The following RIPOR2 variants were observed in gnomAD, a reference collection of about 807,000 sequenced individuals.
RIPOR2 encodes the protein RHO family interacting cell polarization regulator 2.
RIPOR2 carries 39 observed loss-of-function variants against 114.5 expected under a neutral mutation model. The ratio of observed to expected loss-of-function variants is 0.34; its 90% CI spans 0.26 to 0.44. The LOEUF (loss-of-function observed/expected upper bound fraction) is 0.44, where lower values mean the gene tolerates loss of function less well. RIPOR2 is among the 20% of genes least tolerant of loss of function. The pLI, the probability that RIPOR2 is intolerant of heterozygous loss-of-function variation, is 1.00. For missense variants in RIPOR2, 1,007 were observed against 1,255.1 expected, an observed-to-expected ratio of 0.80 and a Z score of 2.99; for synonymous variants, 445 against 484.4, an observed-to-expected ratio of 0.92 and a Z score of 1.07.
At chr6:24,891,141 G>A (rs1230843482) in intron 1 of RIPOR2, among the ~76,000 whole-genome samples, 1 of 152,192 alleles carries the variant, frequency 6.6e-6, no homozygotes, top group African/African-American at 2.4e-5. Flanking sequence ...GTAAGGCAGT[G>A]CTGTGTACGT....
At chr6:24,820,282 C>T (rs1206544146) in intron 19 of RIPOR2, among the ~76,000 whole-genome samples, 4 of 152,194 alleles carry the variant, frequency 2.6e-5, no homozygotes, top group Admixed American at 6.5e-5. Context: ...CCGTCCGCCT[C>T]GGCCTCCCAG....
intron 8 of RIPOR2, among the ~76,000 whole-genome samples, chr6:24,856,471 T>C (rs933313158): frequency 2.0e-5 from 3 of 152,228 alleles, no homozygotes; most frequent in East Asian, 1.9e-4. Flanking sequence ...CCTCTGCAAA[T>C]TGGTCAGGCA....
intron 1 of RIPOR2, among the ~76,000 whole-genome samples, chr6:24,968,598 A>G (rs1364541029): frequency 1.3e-5 from 2 of 152,180 alleles, no homozygotes; most frequent in Non-Finnish European, 2.9e-5. Flanking sequence ...GGATGATGAG[A>G]GGTTGCCACT....
chr6:24,822,104 A>T (rs1759755099), intron 19 of RIPOR2, among the ~76,000 whole-genome samples: 1 of 152,210 alleles, frequency 6.6e-6, no homozygotes, highest in South Asian at 2.1e-4. Context: ...CGCCATTAAA[A>T]TCCAAAACAA....
chr6:24,988,690 T>TG (rs1774650232), intron 1 of RIPOR2, among the ~76,000 whole-genome samples: 2 of 152,018 alleles, frequency 1.3e-5, no homozygotes, highest in Non-Finnish European at 2.9e-5. Flanking sequence ...TGTGTGTGTG[T>TG]TTATCATGCT....
Position 24,980,094 on chromosome 6 carries a change from T to C in RIPOR2, c.76+61757A>G, listed in dbSNP as rs527376131. The stretch of plus-strand genomic sequence containing the variant: ...CTAGGATGCATTAAAGAATCTCATC[T>C]TAGATAGGCTCCTCAGCCTTGAATA... On this transcript the variant is annotated intron_variant, in intron 1 of 13. Transcript: ENST00000510784. Among the ~76,000 whole-genome samples, 6 of 152,358 alleles carry C rather than the reference T, an allele frequency of 3.9e-5. No individual in the cohort carries two copies. In the South Asian group the frequency reaches 1.2e-3, roughly 32 times the overall value.
intron 17 of RIPOR2, among the ~76,000 whole-genome samples, chr6:24,830,117 T>A (rs2113679768): frequency 6.6e-6 from 1 of 152,216 alleles, no homozygotes; most frequent in East Asian, 1.9e-4. Context: ...AGGTGTGGGC[T>A]ACCACGCCCG....
rs192575975 is a variant in RIPOR2, at chr6:24,900,718, G to A, written c.62-24901C>T. Among the ~76,000 whole-genome samples, 327 of 152,222 alleles carry A rather than the reference G, an allele frequency of 2.1e-3. 2 individuals are homozygous for A. The highest frequency in any genetic ancestry group is 3.7e-3 in the Non-Finnish European group (251 of 67,996). On this transcript the variant is annotated intron_variant, in intron 1 of 21. Transcript: ENST00000643898. Reference sequence around the variant, plus strand: ...GGCTGCACTGAGCTGTGATCTGGCCGCCGCACTCCAGTCTGGGTGACAGAG... The same window carrying A: ...GGCTGCACTGAGCTGTGATCTGGCCACCGCACTCCAGTCTGGGTGACAGAG...
intron 12 of RIPOR2, chr6:24,847,511 A>T: frequency 6.5e-7 from 1 of 1,543,350 alleles, no homozygotes; most frequent in Non-Finnish European, 8.8e-7. Context: ...CCAGAAGTCA[A>T]GCACTCCATA....
chr6:24,931,010 A>T lies in RIPOR2; in HGVS notation c.61+4828T>A, dbSNP rs547510320. Among the ~76,000 whole-genome samples, 4 of 152,290 alleles carry T rather than the reference A, an allele frequency of 2.6e-5. No individual in the cohort carries two copies. The East Asian group carries it at 7.7e-4, about 29-fold the overall frequency. On this transcript the variant is annotated intron_variant, in intron 1 of 21. Transcript: ENST00000643898. ...CAAGGCTCATATACTTTTACATTTG[A>T]TTTCTCTTACTTTTTCCATGGAGGG... is the stretch of plus-strand genomic sequence containing the variant.
At chr6:24,921,651 G>A (rs1457603669) in intron 1 of RIPOR2, among the ~76,000 whole-genome samples, 4 of 147,000 alleles carry the variant, frequency 2.7e-5, no homozygotes, top group Middle Eastern at 3.4e-3. Flanking sequence ...AACACTTATC[G>A]CCCCCCCCGA....
At chr6:24,999,418 T>C (rs1775194796) in intron 1 of RIPOR2, among the ~76,000 whole-genome samples, 1 of 152,228 alleles carries the variant, frequency 6.6e-6, no homozygotes, top group Non-Finnish European at 1.5e-5. Context: ...ACCCCTTGCT[T>C]TGGTTAAAGA....
At chr6:25,023,861 A>G (rs879117087) in intron 1 of RIPOR2, 2 of 728,972 alleles carry the variant, frequency 2.7e-6, no homozygotes, top group Admixed American at 1.7e-5. Flanking sequence ...ACCGGTTCCT[A>G]GGTCTTCGTG....
chr6:24,898,344 A>G (rs1247776605), intron 1 of RIPOR2: 1 of 152,166 alleles, frequency 6.6e-6, no homozygotes, highest in African/African-American at 2.4e-5. Context: ...CCATTGTCTA[A>G]GCTGGGGTCC....
intron 17 of RIPOR2, 45 bp downstream of exon 17, chr6:24,830,464 C>A: frequency 1.3e-6 from 2 of 1,514,900 alleles, no homozygotes; most frequent in East Asian, 2.5e-5. Context: ...AATGCCCACT[C>A]TCACACTGAA....
intron 1 of RIPOR2, among the ~76,000 whole-genome samples, chr6:24,998,839 G>A (rs1775162388): frequency 6.6e-6 from 1 of 151,826 alleles, no homozygotes; most frequent in Non-Finnish European, 1.5e-5. Context: ...ACAATGGCAC[G>A]GGAACAGATT....
At chr6:24,853,965 A>T (rs1763196515) in intron 8 of RIPOR2, among the ~76,000 whole-genome samples, 1 of 151,956 alleles carries the variant, frequency 6.6e-6, no homozygotes, top group Non-Finnish European at 1.5e-5. Context: ...AAAAGAAAAA[A>T]AAAAATTAGC....
chr6:24,828,191 T>C lies in RIPOR2; in HGVS notation c.2611A>G (p.Thr871Ala). The C allele has an allele frequency of 1.3e-6, 2 of 1,550,912 alleles. No homozygotes were observed. The highest frequency in any genetic ancestry group is 1.7e-6 in the Non-Finnish European group (2 of 1,146,654). ...VTVFQYYSYF[T>A]SHGVSDLESY... ...TCCAGGTCACTGACGCCGTGGCTGG[T>C]GAAGTAACTGTAATACTGGAAAACA... Residue 871 changes from threonine (T) to alanine (A), a missense_variant, in exon 18 of 22, where the codon ACC becomes GCC. Coordinates refer to ENST00000643898, the MANE Select transcript of RIPOR2 (RefSeq NM_001286445.3).
At chr6:24,958,229 C>T (rs758572656) in intron 1 of RIPOR2, among the ~76,000 whole-genome samples, 9 of 152,218 alleles carry the variant, frequency 5.9e-5, no homozygotes, top group Admixed American at 2.0e-4. Context: ...GTCATATGTA[C>T]AAATGCATCT....
Sources: allele counts gnomAD v4.1 joint callset (sites outside exome capture counted in the v4.1 genomes callset), GRCh38; gene constraint gnomAD v4.1.1; transcripts MANE v1.5; gene names NCBI Gene and HGNC (gene_info 2026-07-23, HGNC 2026-07-21).